Variants in MEGF8 observed in about 807,000 individuals in gnomAD.
MEGF8 encodes the protein multiple epidermal growth factor-like domains protein 8.
MEGF8 carries 156 observed loss-of-function variants against 302.9 expected under a neutral mutation model. That is an observed-to-expected ratio of 0.52 (90% CI 0.45 to 0.59). MEGF8 has a LOEUF of 0.59. Ranked by LOEUF, MEGF8 falls within the 20% of genes least tolerant of loss-of-function variation. MEGF8 has a pLI of 0.00. For synonymous variants in MEGF8, 1,621 were observed against 1,660.5 expected, an observed-to-expected ratio of 0.98 and a Z score of 0.58; for missense variants, 3,345 against 3,964.5, an observed-to-expected ratio of 0.84 and a Z score of 4.20.
At chr19:42,370,619 G>C in intron 39 of MEGF8, 82 bp from the exon 40 acceptor site, 2 of 1,475,324 alleles carry the variant, frequency 1.4e-6, no homozygotes, top group Non-Finnish European at 1.8e-6. Flanking sequence ...GGAGGAGTGG[G>C]TAGGAGCCTG....
At chr19:42,331,611 C>G (rs1157403534) in intron 1 of MEGF8, among the ~76,000 whole-genome samples, 1 of 152,054 alleles carries the variant, frequency 6.6e-6, no homozygotes, top group East Asian at 1.9e-4. Flanking sequence ...CTCTTGTCGC[C>G]CAGGCTGGAG....
chr19:42,344,493 C>T lies in MEGF8; in HGVS notation c.1841C>T (p.Ala614Val). 6.3e-7 allele frequency: 1 copy of T among 1,598,542 alleles called. No individual in the cohort carries two copies. Among genetic ancestry groups the T allele is most frequent in the Non-Finnish European group, 8.5e-7 (1 of 1,179,350 alleles). ...GGCCGCCTCCTGGGTGACTGCCAGG[C>T]CTGCCTGGCCTTCAGCAGCCCCACA... ...GLGRLLGDCQ[A>V]CLAFSSPTAP... The change falls in exon 11 of 42, where the codon GCC becomes GTC. Residue 614 changes from alanine (A) to valine (V), a missense_variant. Physicochemically the swap from Ala to Val is moderately conservative, Grantham distance 64 (BLOSUM62 0). Coordinates refer to ENST00000251268, the MANE Select transcript of MEGF8 (RefSeq NM_001271938.2). This position sits in a 1 kb window ranked among gnomAD's most constrained non-coding sequence, Gnocchi z 4.5.
chr19:42,372,931 C>A (rs76894012), intron 41 of MEGF8, among the ~76,000 whole-genome samples: 1 of 152,084 alleles, frequency 6.6e-6, no homozygotes, highest in South Asian at 2.1e-4. Flanking sequence ...CCTTGGCCCC[C>A]CAAAGTGCTG....
intron 8 of MEGF8, among the ~76,000 whole-genome samples, chr19:42,341,756 T>G (rs1328452627): frequency 2.0e-5 from 3 of 152,150 alleles, no homozygotes; most frequent in African/African-American, 7.2e-5. Context: ...CATATTGTCT[T>G]TCTTATAGCA....
In MEGF8 at chr19:42,354,208, C is replaced by T. The variant is rs550322708; in HGVS notation, c.4011+184C>T. Among the ~76,000 whole-genome samples, 1 of 152,014 alleles carries T rather than the reference C, an allele frequency of 6.6e-6. No homozygotes were observed. The highest frequency in any genetic ancestry group is 1.5e-5 in the Non-Finnish European group (1 of 67,990). Reference sequence around the variant, plus strand: ...GTTCCTAGGCCCACAGACAGACCCCCCCATTTCCCAGATAGCTTCCTATTT... The same window carrying T: ...GTTCCTAGGCCCACAGACAGACCCCTCCATTTCCCAGATAGCTTCCTATTT... On this transcript the variant is annotated intron_variant, in intron 22 of 41. Transcript: ENST00000251268. The surrounding 1 kb of genome is among the most constrained non-coding windows in gnomAD (Gnocchi z 4.3).
chr19:42,373,708 T>G (rs1182925349), intron 41 of MEGF8, among the ~76,000 whole-genome samples: 1 of 136,842 alleles, frequency 7.3e-6, no homozygotes, highest in East Asian at 2.1e-4. Context: ...GCTTTTGGGT[T>G]TTTTTTTTTT....
chr19:42,348,567 G>A, intron 13 of MEGF8, 95 bp downstream of exon 13: 1 of 1,225,620 alleles, frequency 8.2e-7, no homozygotes, highest in Non-Finnish European at 1.1e-6. Context: ...AGGTTCTGGG[G>A]AAGGGCTGGG....
chr19:42,334,170 A>G lies in MEGF8; in HGVS notation c.515A>G (p.Gln172Arg). Residue 172 changes from glutamine (Q) to arginine (R), a missense_variant, in exon 3 of 42, where the codon CAG becomes CGG. Physicochemically the swap from Gln to Arg is conservative, Grantham distance 43 (BLOSUM62 1). Transcript: ENST00000251268. The part of the protein sequence containing the change: ...PGWGGPDCGL[Q>R]ECSAYCGSHG... The stretch of plus-strand genomic sequence containing the variant: ...TGGGGGGGTCCTGACTGTGGCCTGC[A>G]GGAGTGCTCAGCCTACTGTGGCAGC... 6.2e-7 allele frequency: 1 copy of G among 1,610,574 alleles called. No homozygotes were observed. The highest frequency in any genetic ancestry group is 8.5e-7 in the Non-Finnish European group (1 of 1,179,230).
rs1359776923 is a variant in MEGF8 at position 42,357,625 on chromosome 19, C to T, written c.5011+41C>T. ...GGGAGGGGACAGCCCCCGTGGACCT[C>T]CCGGGCATCTGGGCTTCCTGTGGGC... On this transcript the variant is annotated intron_variant, in intron 28 of 41. Transcript: ENST00000251268. This position sits in a 1 kb window ranked among gnomAD's most constrained non-coding sequence, Gnocchi z 5.2. The T allele has an allele frequency of 1.3e-6, 2 of 1,532,882 alleles. No individual in the cohort carries two copies. Among genetic ancestry groups the T allele is most frequent in the South Asian group, 2.4e-5 (2 of 84,128 alleles). The allele number at this position is 1,532,882 out of a possible 1,614,324, so 95.0% of individuals were successfully genotyped here. A position where few individuals can be genotyped will look rare whatever the true frequency, so the allele number is the denominator to read the frequency against.
rs2039362056 is a variant in MEGF8, at chr19:42,351,055, G to A, written c.2737-161G>A. 1.5e-6 allele frequency: 1 copy of A among 659,650 alleles called. No individual in the cohort carries two copies. The highest frequency in any genetic ancestry group is 2.6e-6 in the Non-Finnish European group (1 of 378,990). The allele number at this position is 659,650 out of a possible 1,614,324, so 40.9% of individuals were successfully genotyped here. The stretch of plus-strand genomic sequence containing the variant: ...GTGCTGGGCGGGCCGACCCATGGGT[G>A]TCTGTGGTCGAAGGGAGGGGTCCAG... On this transcript the variant is annotated intron_variant, in intron 15 of 41. Transcript: ENST00000251268. The surrounding 1 kb of genome is among the most constrained non-coding windows in gnomAD (Gnocchi z 5.6).
rs747008772 is a variant in MEGF8 at position 42,376,687 on chromosome 19, G to C, written c.8450G>C (p.Gly2817Ala). ...RHRLHEYCGGGGGAGGSGHGT... is the reference protein window; with the variant it reads ...RHRLHEYCGGAGGAGGSGHGT... ...AGGCTGCACGAGTACTGTGGGGGTG[G>C]TGGGGGTGCTGGGGGCAGTGGGCAT... Residue 2817 changes from glycine to alanine, a missense_variant, in exon 42 of 42, where the codon GGT (glycine) becomes GCT (alanine). Transcript: ENST00000251268. The surrounding 1 kb of genome is among the most constrained non-coding windows in gnomAD (Gnocchi z 8.2). The C allele has an allele frequency of 2.0e-5, 30 of 1,517,424 alleles. No homozygotes were observed. The highest frequency in any genetic ancestry group is 1.6e-4 in the Admixed American group (8 of 49,696). 94.0% of individuals were successfully genotyped at this position (1,517,424 alleles called of 1,614,324 possible).
rs1462343420 is a variant in MEGF8 at position 42,344,863 on chromosome 19, T to G, written c.2097+30T>G. ...GTAGGAGGCGTGGCCCTGGGTGGGGTGTTGATGATCCTGATCCTAGGGTTT... is the reference window on the plus strand; with the variant it reads ...GTAGGAGGCGTGGCCCTGGGTGGGGGGTTGATGATCCTGATCCTAGGGTTT... On this transcript the variant is annotated intron_variant, in intron 12 of 41. Transcript: ENST00000251268. The surrounding 1 kb of genome is among the most constrained non-coding windows in gnomAD (Gnocchi z 4.5). The G allele has an allele frequency of 2.0e-6, 3 of 1,514,888 alleles. No individual in the cohort carries two copies. Among genetic ancestry groups the G allele is most frequent in the African/African-American group, 1.4e-5 (1 of 71,830 alleles). The allele number at this position is 1,514,888 out of a possible 1,614,324, so 93.8% of individuals were successfully genotyped here.
chr19:42,338,666 G>A (rs1040566618), intron 8 of MEGF8, among the ~76,000 whole-genome samples: 1 of 152,070 alleles, frequency 6.6e-6, no homozygotes, highest in Non-Finnish European at 1.5e-5. Context: ...AGAACATGCA[G>A]TATTTGGTTT....
chr19:42,334,439 C>T (rs1036057107), intron 3 of MEGF8, among the ~76,000 whole-genome samples: 1 of 151,930 alleles, frequency 6.6e-6, no homozygotes, highest in African/African-American at 2.4e-5. Flanking sequence ...ATATCCCACT[C>T]TCATCTATAC....
intron 1 of MEGF8, among the ~76,000 whole-genome samples, chr19:42,332,621 C>T (rs1032441204): frequency 1.6e-4 from 24 of 152,214 alleles, no homozygotes; most frequent in African/African-American, 5.1e-4. Context: ...CTGCCTTGGC[C>T]TCTCAAAGTG....
intron 8 of MEGF8, among the ~76,000 whole-genome samples, chr19:42,341,059 G>A (rs2039205298): frequency 1.3e-5 from 2 of 152,038 alleles, no homozygotes; most frequent in East Asian, 1.9e-4. Context: ...TTGACCTCCC[G>A]GGCTCAAGCA....
At chr19:42,370,404 TGGGG>T in intron 39 of MEGF8, 45 bp downstream of exon 39, 1 of 1,496,310 alleles carries the variant, frequency 6.7e-7, no homozygotes. Flanking sequence ...GAGGAGGGGC[TGGGG>T]AGCTCCTGGG....
Position 42,376,408 on chromosome 19 carries a change from C to G in MEGF8, c.8171C>G (p.Ala2724Gly), listed in dbSNP as rs1451591365. The change falls in exon 42 of 42, where the codon GCC becomes GGC. Residue 2724 changes from alanine (A) to glycine (G), a missense_variant. Ala to Gly is a moderately conservative substitution (Grantham distance 60, BLOSUM62 0). Transcript: ENST00000251268. This position sits in a 1 kb window ranked among gnomAD's most constrained non-coding sequence, Gnocchi z 8.2. ...AAGCCGGCTGGGCTCCCACCTCCCGCCTTCCGCCGCTCTGAGCCCTTCCTG... is the reference window on the plus strand; with the variant it reads ...AAGCCGGCTGGGCTCCCACCTCCCGGCTTCCGCCGCTCTGAGCCCTTCCTG... Reference protein sequence around the residue: ...AWKPAGLPPPAFRRSEPFLAP... With the variant: ...AWKPAGLPPPGFRRSEPFLAP... 1.2e-6 allele frequency: 2 copies of G among 1,612,614 alleles called. No individual in the cohort carries two copies. Among genetic ancestry groups the G allele is most frequent in the Non-Finnish European group, 1.7e-6 (2 of 1,179,712 alleles).
chr19:42,363,651 C>T (rs927412715), intron 35 of MEGF8, among the ~76,000 whole-genome samples: 18 of 152,130 alleles, frequency 1.2e-4, no homozygotes, highest in African/African-American at 4.1e-4. Flanking sequence ...CTTCCTTCAA[C>T]CTCCCAAACC....
Sources: gnomAD v4.1 joint callset for allele counts (sites outside exome capture counted in the v4.1 genomes callset) on GRCh38, gnomAD v4.1.1 for gene constraint, Gnocchi (gnomAD v3.1) non-coding constraint, MANE v1.5 for transcripts, NCBI Gene and HGNC (gene_info 2026-07-23, HGNC 2026-07-21) for gene names.